The following TFB1M variants were observed in gnomAD, a reference collection of about 807,000 sequenced individuals.
The protein encoded by TFB1M is dimethyladenosine transferase 1, mitochondrial.
TFB1M carries 27 observed loss-of-function variants against 31.1 expected under a neutral mutation model. The ratio of observed to expected loss-of-function variants is 0.87; its 90% CI spans 0.64 to 1.20. TFB1M has a LOEUF of 1.20. Among genes scored for constraint, TFB1M ranks in the 50% most tolerant of loss-of-function variants. The pLI is 0.00. For missense variants in TFB1M, 394 were observed against 418.7 expected, an observed-to-expected ratio of 0.94 and a Z score of 0.51; for synonymous variants, 166 against 151.8, an observed-to-expected ratio of 1.09 and a Z score of -0.69.
chr6:155,290,388 C>CAAAAAAAAAAAAAAA (rs1189869721), intron 4 of TFB1M, among the ~76,000 whole-genome samples: 1 of 107,562 alleles, frequency 9.3e-6, no homozygotes, highest in Non-Finnish European at 1.9e-5. Flanking sequence ...GACTCGGCCT[C>CAAAAAAAAAAAAAAA]AAAAAAAAAA....
chr6:155,277,776 T>C (rs1785288772), intron 5 of TFB1M, among the ~76,000 whole-genome samples: 1 of 152,204 alleles, frequency 6.6e-6, no homozygotes, highest in Non-Finnish European at 1.5e-5. Context: ...TGTTATTTTA[T>C]ACACAAGTGT....
chr6:155,252,152 C>T (rs191655967), downstream of TFB1M: 306 of 625,532 alleles, frequency 4.9e-4, 3 homozygotes, highest in Admixed American at 8.3e-3. Flanking sequence ...ATACTGAGAG[C>T]GTTTCTGAGT....
At chr6:155,301,451 C>T (rs1777425556) in intron 2 of TFB1M, among the ~76,000 whole-genome samples, 1 of 152,092 alleles carries the variant, frequency 6.6e-6, no homozygotes, top group Admixed American at 6.5e-5. Flanking sequence ...CATAATGATA[C>T]ATGGGGTATG....
At position 155,310,886 on chromosome 6, in the gene TFB1M, T is replaced by C. The variant is rs1777986949; in HGVS notation, c.285+302A>G. ...ATTTTTGAAGGAATGGGCCACGACA[T>C]GCATAGCTATTAGCAGACTTAAAAA... On this transcript the variant is annotated intron_variant, in intron 2 of 6. Coordinates refer to ENST00000367166, the MANE Select transcript of TFB1M (RefSeq NM_016020.4). 1.2e-5 allele frequency: 4 copies of C among 339,318 alleles called. No individual in the cohort carries two copies. In the South Asian group the frequency reaches 1.5e-4, roughly 13 times the overall value. 21.0% of individuals were successfully genotyped at this position (339,318 alleles called of 1,614,324 possible). A position where few individuals can be genotyped will look rare whatever the true frequency, so the allele number is the denominator to read the frequency against.
At chr6:155,252,454 G>A (rs531988924), downstream of TFB1M, among the ~76,000 whole-genome samples, 1 of 152,296 alleles carries the variant, frequency 6.6e-6, no homozygotes, top group Admixed American at 6.5e-5. Flanking sequence ...GTGCGACAGA[G>A]TGAGACCCTG....
rs145815951 is a variant in TFB1M at position 155,304,579 on chromosome 6, A to G, written c.286-5994T>C. Among the ~76,000 whole-genome samples the G allele has an allele frequency of 2.6e-5, 4 of 152,284 alleles. No individual in the cohort carries two copies. In the East Asian group the frequency reaches 7.7e-4, roughly 29 times the overall value. ...TTCTACACACAAGAAACACGAACAA[A>G]GCTACTGTAAGCACATCATGATGAA... On this transcript the variant is annotated intron_variant, in intron 2 of 6. Coordinates refer to ENST00000367166, the MANE Select transcript of TFB1M (RefSeq NM_016020.4).
Position 155,296,973 on chromosome 6 carries a change from A to C in TFB1M, c.526T>G (p.Phe176Val), listed in dbSNP as rs1230999305. 6.2e-7 allele frequency: 1 copy of C among 1,614,024 alleles called. No individual in the cohort carries two copies. Among genetic ancestry groups the C allele is most frequent in the Admixed American group, 1.7e-5 (1 of 60,026 alleles). The change falls in exon 4 of 7, where the codon TTT becomes GTT. Residue 176 changes from phenylalanine to valine, a missense_variant. By Grantham distance (50) the Phe-to-Val change is conservative. Coordinates refer to ENST00000367166, the MANE Select transcript of TFB1M (RefSeq NM_016020.4). The part of the protein sequence containing the change: ...VYGRTQMTLT[F>V]QKEVAERLAA... ...CTTACCTCTGCCACTTCCTTTTGAAAAGTCAAAGTCATCTGAGTTCTGCCA... is the reference window on the plus strand; with the variant it reads ...CTTACCTCTGCCACTTCCTTTTGAACAGTCAAAGTCATCTGAGTTCTGCCA...
At chr6:155,267,289 T>C (rs1057044858) in intron 5 of TFB1M, among the ~76,000 whole-genome samples, 9 of 152,338 alleles carry the variant, frequency 5.9e-5, no homozygotes, top group African/African-American at 1.9e-4. Context: ...AATATGGTGC[T>C]TCTTGATGAA....
chr6:155,275,844 C>T (rs746003126), intron 5 of TFB1M: 4 of 1,614,168 alleles, frequency 2.5e-6, no homozygotes, highest in Non-Finnish European at 3.4e-6. Context: ...AACATCATAA[C>T]AGCCATTGTA....
chr6:155,246,386 A>G, the TFB1M span, among the ~76,000 whole-genome samples: 2 of 152,170 alleles, frequency 1.3e-5, no homozygotes, highest in Non-Finnish European at 2.9e-5. Flanking sequence ...GCTTCAAATG[A>G]GCAAGACCCA....
At chr6:155,304,779 A>G (rs1483121264) in intron 2 of TFB1M, among the ~76,000 whole-genome samples, 1 of 151,984 alleles carries the variant, frequency 6.6e-6, no homozygotes, top group African/African-American at 2.4e-5. Context: ...TACTGCCACA[A>G]TATTTTCCAA....
At chr6:155,274,877 CTTAAT>C (rs1359726335) in intron 5 of TFB1M, among the ~76,000 whole-genome samples, 2 of 152,194 alleles carry the variant, frequency 1.3e-5, no homozygotes, top group African/African-American at 4.8e-5. Flanking sequence ...AAAAGGTGGC[CTTAAT>C]TTATTTTCTT....
chr6:155,300,858 G>A (rs1777396496), intron 2 of TFB1M, among the ~76,000 whole-genome samples: 2 of 152,000 alleles, frequency 1.3e-5, no homozygotes, highest in South Asian at 4.1e-4. Flanking sequence ...AGGCTGGAGT[G>A]CAGTGGTGCA....
the TFB1M span, among the ~76,000 whole-genome samples, chr6:155,231,334 T>C: frequency 6.6e-6 from 1 of 152,268 alleles, no homozygotes; most frequent in Non-Finnish European, 1.5e-5. Context: ...CTGTCTAGTC[T>C]AGAAGACAAA....
Position 155,297,008 on chromosome 6 carries a change from G to C in TFB1M, c.491C>G (p.Pro164Arg). Residue 164 changes from proline to arginine, a missense_variant, in exon 4 of 7, where the codon CCT (proline) becomes CGT (arginine). Physicochemically the swap from Pro to Arg is moderately radical, Grantham distance 103. This residue lies in a region of TFB1M where 273 missense variants were observed against 256.4 expected (regional missense o/e 1.06). Coordinates refer to ENST00000367166, the MANE Select transcript of TFB1M (RefSeq NM_016020.4). ...WLENISCRDG[P>R]FVYGRTQMTL... ...CATCTGAGTTCTGCCATAAACAAAA[G>C]GTCCATCTCTACAGGAAATATTTTC... The C allele has an allele frequency of 1.2e-6, 2 of 1,613,860 alleles. No homozygotes were observed. Among genetic ancestry groups the C allele is most frequent in the African/African-American group, 2.7e-5 (2 of 74,990 alleles).
chr6:155,304,573 G>A (rs772002270), intron 2 of TFB1M, among the ~76,000 whole-genome samples: 9 of 152,040 alleles, frequency 5.9e-5, no homozygotes, highest in East Asian at 3.9e-4. Flanking sequence ...CAAGAAACAC[G>A]AACAAAGCTA....
chr6:155,305,748 TATATATAA>T (rs1351600198), intron 2 of TFB1M, among the ~76,000 whole-genome samples: 1 of 114,966 alleles, frequency 8.7e-6, no homozygotes, highest in African/African-American at 3.4e-5. Context: ...TATATATTTA[TATATATAA>T]ATATATATTA....
the TFB1M span, chr6:155,250,117 C>A: frequency 1.7e-6 from 1 of 593,858 alleles, no homozygotes; most frequent in Non-Finnish European, 3.0e-6. Flanking sequence ...ATGAACTACA[C>A]AATTTACATA....
the TFB1M span, among the ~76,000 whole-genome samples, chr6:155,233,898 G>C: frequency 1.3e-5 from 2 of 151,990 alleles, no homozygotes; most frequent in African/African-American, 4.8e-5. Flanking sequence ...AGGAGTTTGA[G>C]GCTGCAGTGA....
Sources: allele counts gnomAD v4.1 joint callset (sites outside exome capture counted in the v4.1 genomes callset), GRCh38; gene constraint gnomAD v4.1.1; regional missense constraint gnomAD v4.1.1; transcripts MANE v1.5; gene names NCBI Gene and HGNC (gene_info 2026-07-23, HGNC 2026-07-21).